Variants in DGKB observed in about 807,000 individuals in gnomAD.
DGKB encodes 90 kDa diacylglycerol kinase.
Under a neutral mutation model 114.3 loss-of-function variants are expected in DGKB, and 67 were observed. The observed-to-expected ratio is 0.59, with a 90% CI of 0.48 to 0.72. The LOEUF (loss-of-function observed/expected upper bound fraction) is 0.72. Ranked by LOEUF, DGKB falls within the 30% of genes least tolerant of loss-of-function variation. The pLI is 0.00. For synonymous variants in DGKB, 398 were observed against 323.1 expected (o/e 1.23, Z -2.49); for missense variants, 907 against 975.2 (o/e 0.93, Z 0.93).
chr7:14,465,238 G>A (rs76582023), intron 21 of DGKB, among the ~76,000 whole-genome samples: 3 of 149,326 alleles, frequency 2.0e-5, no homozygotes, highest in Non-Finnish European at 2.9e-5. Context: ...GAGCAGAGAG[G>A]ATATTTCATA....
intron 21 of DGKB, among the ~76,000 whole-genome samples, chr7:14,415,666 A>G (rs1377386414): frequency 6.6e-6 from 1 of 152,022 alleles, no homozygotes; most frequent in East Asian, 1.9e-4. Context: ...AATCCAGTCT[A>G]TCATTATTGG....
chr7:14,540,043 T>C (rs1372398455), intron 20 of DGKB, among the ~76,000 whole-genome samples: 1 of 152,056 alleles, frequency 6.6e-6, no homozygotes, highest in Admixed American at 6.6e-5. Context: ...CATCATTTAT[T>C]TAATATTTCA....
intron 23 of DGKB, among the ~76,000 whole-genome samples, chr7:14,255,333 A>G (rs901644968): frequency 6.6e-6 from 1 of 152,216 alleles, no homozygotes; most frequent in Non-Finnish European, 1.5e-5. Flanking sequence ...TCCTATTGCT[A>G]CTACACATAA....
intron 23 of DGKB, among the ~76,000 whole-genome samples, chr7:14,199,520 G>C (rs753794848): frequency 3.9e-5 from 6 of 151,928 alleles, no homozygotes; most frequent in Admixed American, 6.6e-5. Flanking sequence ...AGGCGGCCTG[G>C]GACAGGACTG....
intron 21 of DGKB, among the ~76,000 whole-genome samples, chr7:14,417,538 C>A (rs916615632): frequency 6.6e-6 from 1 of 151,832 alleles, no homozygotes; most frequent in Non-Finnish European, 1.5e-5. Context: ...TATTCTTGAA[C>A]CTCAACAGAG....
chr7:14,354,415 C>T (rs1417855490), intron 21 of DGKB, among the ~76,000 whole-genome samples: 1 of 152,120 alleles, frequency 6.6e-6, no homozygotes, highest in Non-Finnish European at 1.5e-5. Context: ...TAGCATAACC[C>T]TCTTTCTGGT....
At chr7:14,514,708 T>C (rs901998299) in intron 20 of DGKB, among the ~76,000 whole-genome samples, 2 of 152,150 alleles carry the variant, frequency 1.3e-5, no homozygotes, top group African/African-American at 4.8e-5. Flanking sequence ...ATGAATGTTC[T>C]CAATTAATTG....
In DGKB at chr7:14,701,669, GA is replaced by G. The variant is rs759895331; in HGVS notation, c.516+11del. The stretch of plus-strand genomic sequence containing the variant: ...TTGAAGTTTTCACAGAAACTTTGAA[GA>G]AAAAAATTACCGAGCTGTCCAGGAA... On this transcript the variant is annotated intron_variant, in intron 7 of 25. Coordinates refer to ENST00000402815, the MANE Select transcript of DGKB (RefSeq NM_001350709.2). 6 of 1,597,946 alleles carry G rather than the reference GA, an allele frequency of 3.8e-6. No homozygotes were observed. Among genetic ancestry groups the G allele is most frequent in the Non-Finnish European group, 5.1e-6 (6 of 1,166,598 alleles).
chr7:14,670,574 G>T (rs1023903217), intron 13 of DGKB, among the ~76,000 whole-genome samples: 1 of 151,790 alleles, frequency 6.6e-6, no homozygotes, highest in African/African-American at 2.4e-5. Context: ...CAAAATGCAG[G>T]GATTACAGGC....
chr7:14,733,835 A>G (rs78846875), intron 5 of DGKB, among the ~76,000 whole-genome samples: 1 of 151,636 alleles, frequency 6.6e-6, no homozygotes, highest in Non-Finnish European at 1.5e-5. Context: ...GGAGGGAAGG[A>G]AGAAAGGAAG....
chr7:14,313,586 A>C (rs1333594485), intron 23 of DGKB, among the ~76,000 whole-genome samples: 1 of 152,184 alleles, frequency 6.6e-6, no homozygotes, highest in East Asian at 1.9e-4. Context: ...GGCTTAAAAA[A>C]CAGCGCACCA....
At chr7:14,881,718 T>C (rs1482387879) in intron 1 of DGKB, among the ~76,000 whole-genome samples, 4 of 151,990 alleles carry the variant, frequency 2.6e-5, no homozygotes, top group Non-Finnish European at 5.9e-5. Flanking sequence ...GACCTGAATA[T>C]GTTGAACTCT....
At chr7:14,206,422 G>T (rs554347542) in intron 23 of DGKB, among the ~76,000 whole-genome samples, 1 of 151,992 alleles carries the variant, frequency 6.6e-6, no homozygotes, top group East Asian at 1.9e-4. Flanking sequence ...TACAGCAAAA[G>T]GTGAGATGAA....
At chr7:14,571,711 C>G (rs942155417) in intron 20 of DGKB, among the ~76,000 whole-genome samples, 2 of 152,096 alleles carry the variant, frequency 1.3e-5, no homozygotes, top group Non-Finnish European at 2.9e-5. Context: ...TATTAAAAGC[C>G]GAAGTGATTT....
chr7:14,697,780 A>AAGAAAGAAAGAAAGAAAGAAAGAAAG (rs1563943585), intron 8 of DGKB, among the ~76,000 whole-genome samples: 14 of 136,574 alleles, frequency 1.0e-4, no homozygotes, highest in African/African-American at 3.6e-4. Flanking sequence ...AACAAAGAGA[A>AAGAAAGAAAGAAAGAAAGAAAGAAAG]AGAAAGAAAG....
intron 21 of DGKB, among the ~76,000 whole-genome samples, chr7:14,359,995 C>T (rs772488187): frequency 2.7e-4 from 41 of 152,004 alleles, no homozygotes; most frequent in Non-Finnish European, 5.1e-4. Flanking sequence ...AATCATGCTA[C>T]GATAAAGACA....
intron 23 of DGKB, among the ~76,000 whole-genome samples, chr7:14,213,747 C>A (rs553959537): frequency 6.6e-6 from 1 of 152,122 alleles, no homozygotes; most frequent in African/African-American, 2.4e-5. Context: ...TATCTCTGGC[C>A]CAGGATTCTC....
chr7:14,567,699 C>G (rs1797793645), intron 20 of DGKB, among the ~76,000 whole-genome samples: 1 of 148,722 alleles, frequency 6.7e-6, no homozygotes, highest in South Asian at 2.1e-4. Context: ...CTCTGCCTCT[C>G]AGGTTCAAGC....
At chr7:14,261,522 G>C (rs1796777208) in intron 23 of DGKB, among the ~76,000 whole-genome samples, 1 of 152,076 alleles carries the variant, frequency 6.6e-6, no homozygotes, top group Admixed American at 6.5e-5. Context: ...ACCTAAAGTT[G>C]ATATTTTTGC....
Sources: allele counts gnomAD v4.1 joint callset (sites outside exome capture counted in the v4.1 genomes callset), GRCh38; gene constraint gnomAD v4.1.1; transcripts MANE v1.5; gene names NCBI Gene and HGNC (gene_info 2026-07-23, HGNC 2026-07-21).